The following NOTCH2NLC variants were observed in gnomAD, a reference collection of about 807,000 sequenced individuals.
NOTCH2NLC encodes notch homolog 2 N-terminal-like protein C.
A neutral mutation model predicts 17.7 loss-of-function variants in NOTCH2NLC; 4 were observed. The observed-to-expected ratio is 0.23, with a 90% CI of 0.11 to 0.52. The LOEUF is 0.52. Ranked by LOEUF, NOTCH2NLC falls within the 20% of genes least tolerant of loss-of-function variation. The probability of loss-of-function intolerance (pLI) is 0.96; values close to 1 mark genes in which losing one functional copy is unlikely to be tolerated. For synonymous variants in NOTCH2NLC, 18 were observed against 86.0 expected, an observed-to-expected ratio of 0.21 and a Z score of 4.38; for missense variants, 57 against 207.2, an observed-to-expected ratio of 0.28 and a Z score of 4.45.
chr1:149,460,883 CTT>C (rs1287904196), intron 3 of NOTCH2NLC, among the ~76,000 whole-genome samples: 2 of 132,618 alleles, frequency 1.5e-5, no homozygotes, highest in Non-Finnish European at 1.6e-5. Flanking sequence ...TTCTTTCTTT[CTT>C]TCTTTCTTTC....
At chr1:149,461,977 T>A (rs1195812570) in intron 3 of NOTCH2NLC, among the ~76,000 whole-genome samples, 1 of 128,350 alleles carries the variant, frequency 7.8e-6, no homozygotes, top group East Asian at 2.3e-4. Flanking sequence ...AACCGGGGCC[T>A]GTCGTGGGGT....
intron 2 of NOTCH2NLC, among the ~76,000 whole-genome samples, chr1:149,451,339 T>A (rs1327065476): frequency 6.7e-6 from 1 of 149,316 alleles, no homozygotes; most frequent in Non-Finnish European, 1.5e-5. Context: ...GAGGGATAAG[T>A]AAGAAGTAGA....
intron 1 of NOTCH2NLC, chr1:149,408,857 C>CA (rs2084283438): frequency 1.1e-6 from 1 of 897,128 alleles, no homozygotes; most frequent in South Asian, 5.1e-5. Context: ...AAGGAGTGGC[C>CA]AACTAGTTAA....
intron 1 of NOTCH2NLC, among the ~76,000 whole-genome samples, chr1:149,424,173 T>C (rs2084397888): frequency 1.3e-5 from 2 of 151,480 alleles, no homozygotes; most frequent in African/African-American, 4.8e-5. Flanking sequence ...CAGCTTGTTC[T>C]GTTGTTTGCA....
At chr1:149,393,068 T>G (rs1205699406) in intron 1 of NOTCH2NLC, among the ~76,000 whole-genome samples, 2 of 52,132 alleles carry the variant, frequency 3.8e-5, no homozygotes, top group African/African-American at 1.7e-4. Flanking sequence ...AGACTCCGTC[T>G]CAAAAAAAAA....
chr1:149,443,384 T>G, intron 2 of NOTCH2NLC, among the ~76,000 whole-genome samples: 1 of 149,628 alleles, frequency 6.7e-6, no homozygotes, highest in Middle Eastern at 3.5e-3. Context: ...GAGCCCTTCA[T>G]TTTGACCTTT....
intron 1 of NOTCH2NLC, among the ~76,000 whole-genome samples, chr1:149,427,473 T>C (rs1447899486): frequency 6.8e-6 from 1 of 146,264 alleles, no homozygotes; most frequent in Non-Finnish European, 1.5e-5. Flanking sequence ...TAGTATTCCA[T>C]TGTATGTATC....
At chr1:149,441,835 C>T (rs1414235520) in intron 2 of NOTCH2NLC, among the ~76,000 whole-genome samples, 1 of 44,230 alleles carries the variant, frequency 2.3e-5, no homozygotes, top group Non-Finnish European at 4.7e-5. Flanking sequence ...AATTAGGAGA[C>T]ATCACCTATT....
chr1:149,449,425 A>G (rs1168885986), intron 2 of NOTCH2NLC, among the ~76,000 whole-genome samples: 1 of 148,656 alleles, frequency 6.7e-6, no homozygotes, highest in African/African-American at 2.5e-5. Context: ...AAGCACCACT[A>G]AAAAGGTGAA....
intron 3 of NOTCH2NLC, among the ~76,000 whole-genome samples, chr1:149,461,190 C>G (rs2084648070): frequency 6.7e-6 from 1 of 149,888 alleles, no homozygotes. Flanking sequence ...CCACCTCAGC[C>G]TCCCAAAGTG....
In NOTCH2NLC at chr1:149,463,065, A is replaced by C. The variant is rs1314780596; in HGVS notation, c.470-426A>C. 2.9e-4 allele frequency among the ~76,000 whole-genome samples: 43 copies of C among 149,548 alleles called. 1 individual carries two copies. Among genetic ancestry groups the C allele is most frequent in the Middle Eastern group, 6.9e-3 (2 of 288 alleles). On this transcript the variant is annotated intron_variant, in intron 3 of 4. Transcript: ENST00000650865. The stretch of plus-strand genomic sequence containing the variant: ...TGGCCGGGCTGGTCTTGAACTCCTT[A>C]CCTCATGATCTGCCTGCCTCGGCCT...
At chr1:149,451,185 A>T (rs1424719581) in intron 2 of NOTCH2NLC, among the ~76,000 whole-genome samples, 1 of 146,542 alleles carries the variant, frequency 6.8e-6, no homozygotes, top group African/African-American at 2.5e-5. Context: ...TTAAAACGGT[A>T]CATGGAGTGG....
chr1:149,392,670 C>G (rs2101458445), intron 1 of NOTCH2NLC, among the ~76,000 whole-genome samples: 1 of 151,450 alleles, frequency 6.6e-6, no homozygotes, highest in East Asian at 1.9e-4. Context: ...TGGTAAATAA[C>G]TTAATCTTCA....
At chr1:149,449,366 G>T (rs1322300049) in intron 2 of NOTCH2NLC, among the ~76,000 whole-genome samples, 7 of 148,586 alleles carry the variant, frequency 4.7e-5, no homozygotes, top group Non-Finnish European at 9.0e-5. Flanking sequence ...TGGGAAGGGA[G>T]GCAGAAAATT....
chr1:149,400,140 T>TATATATATATATA (rs1177183791), intron 1 of NOTCH2NLC, among the ~76,000 whole-genome samples: 4 of 124,202 alleles, frequency 3.2e-5, no homozygotes, highest in Non-Finnish European at 5.2e-5. Flanking sequence ...ATAATATATA[T>TATATATATATATA]TTTTTTTTTA....
At chr1:149,404,321 T>A (rs1408572765) in intron 1 of NOTCH2NLC, among the ~76,000 whole-genome samples, 1 of 151,278 alleles carries the variant, frequency 6.6e-6, no homozygotes, top group African/African-American at 2.4e-5. Flanking sequence ...AATATCCCAT[T>A]GTCTTTTATT....
At chr1:149,461,763 A>T (rs1316169424) in intron 3 of NOTCH2NLC, among the ~76,000 whole-genome samples, 8,978 of 150,940 alleles carry the variant, frequency 0.059, 520 homozygotes, top group Middle Eastern at 0.086. Context: ...CTGGATTAAG[A>T]AAATGTGGCA....
At chr1:149,460,854 CCTTTCTTTCTTTCTTTCTTT>C (rs1169297627) in intron 3 of NOTCH2NLC, among the ~76,000 whole-genome samples, 12,815 of 113,894 alleles carry the variant, frequency 0.11, 869 homozygotes, top group Middle Eastern at 0.18. Context: ...TTTCTTTCTC[CCTTTCTTTCTTTCTTTCTTT>C]CTTTCTTTCT....
rs1436070774 is a variant in NOTCH2NLC at position 149,463,203 on chromosome 1, C to T, written c.470-288C>T. ...CTGAGAGAGTAGATGGATCCAGACT[C>T]CTATTGCTGATAGCGTCCTGCAGGA... On this transcript the variant is annotated intron_variant, in intron 3 of 4. Coordinates refer to ENST00000650865, the MANE Select transcript of NOTCH2NLC (RefSeq NM_001364013.2). 4.3e-3 allele frequency among the ~76,000 whole-genome samples: 650 copies of T among 150,186 alleles called. 12 individuals are homozygous for T. The highest frequency in any genetic ancestry group is 0.012 in the African/African-American group (507 of 40,990).
Sources: allele counts gnomAD v4.1 joint callset (sites outside exome capture counted in the v4.1 genomes callset), GRCh38; gene constraint gnomAD v4.1.1; transcripts MANE v1.5; gene names NCBI Gene and HGNC (gene_info 2026-07-23, HGNC 2026-07-21).